GAP43: variants seen among roughly 807,000 people sequenced by gnomAD.
The protein encoded by GAP43 is growth associated protein 43.
GAP43 carries 6 observed loss-of-function variants against 18.6 expected under a neutral mutation model. That is an observed-to-expected ratio of 0.32 (90% confidence interval 0.18 to 0.64). GAP43 has a LOEUF of 0.64. GAP43 is among the 30% of genes least tolerant of loss of function. The pLI is 0.78. For synonymous variants in GAP43, 115 were observed against 111.4 expected, an observed-to-expected ratio of 1.03 and a Z score of -0.20; for missense variants, 292 against 295.5, an observed-to-expected ratio of 0.99 and a Z score of 0.09.
At chr3:115,666,442 C>G (rs556999384) in intron 1 of GAP43, among the ~76,000 whole-genome samples, 1 of 152,238 alleles carries the variant, frequency 6.6e-6, no homozygotes, top group South Asian at 2.1e-4. Flanking sequence ...TTTGTCTTAT[C>G]AACATGCCTT....
chr3:115,716,718 AT>A (rs1709508364), intron 2 of GAP43, among the ~76,000 whole-genome samples: 2 of 9,092 alleles, frequency 2.2e-4, no homozygotes, highest in Non-Finnish European at 4.1e-4. Context: ...TCTCAGACAA[AT>A]ATATATATAT....
At chr3:115,624,623 A>C (rs1260597748) in intron 1 of GAP43, among the ~76,000 whole-genome samples, 2 of 152,140 alleles carry the variant, frequency 1.3e-5, no homozygotes, top group Non-Finnish European at 2.9e-5. Flanking sequence ...GATTAGCAAG[A>C]ATCAGAGCCC....
chr3:115,696,111 A>T (rs1709185881), intron 2 of GAP43, among the ~76,000 whole-genome samples: 1 of 151,566 alleles, frequency 6.6e-6, no homozygotes, highest in Admixed American at 6.6e-5. Flanking sequence ...CTCTGAGCTC[A>T]TCTATAGCCC....
chr3:115,673,233 GAGAGAA>G (rs1037669385), intron 1 of GAP43, among the ~76,000 whole-genome samples: 3 of 152,210 alleles, frequency 2.0e-5, no homozygotes, highest in East Asian at 1.9e-4. Flanking sequence ...AATTGAGAGA[GAGAGAA>G]AGAGAAAGAG....
chr3:115,631,838 C>G (rs1708263503), intron 1 of GAP43, among the ~76,000 whole-genome samples: 1 of 152,162 alleles, frequency 6.6e-6, no homozygotes. Flanking sequence ...CCAGGCTGGT[C>G]TTGAACTGCT....
chr3:115,650,906 A>G (rs985448863), intron 1 of GAP43, among the ~76,000 whole-genome samples: 2 of 151,920 alleles, frequency 1.3e-5, no homozygotes, highest in Non-Finnish European at 2.9e-5. Context: ...AGGTGGGAGG[A>G]TTTTTTTGAG....
chr3:115,699,032 G>A (rs1477635266), intron 2 of GAP43, among the ~76,000 whole-genome samples: 2 of 152,162 alleles, frequency 1.3e-5, no homozygotes, highest in African/African-American at 2.4e-5. Flanking sequence ...AGCCATTCTC[G>A]TGGATTGGAA....
rs571060075 is a variant in GAP43 at position 115,631,645 on chromosome 3, T to C, written c.30+7926T>C. ...TTTTTTGTTTGTTTGTTTTTTGAGA[T>C]GGAGTCTTGCTGCCATCCAGACTGG... On this transcript the variant is annotated intron_variant, in intron 1 of 2. Coordinates refer to ENST00000305124, the MANE Select transcript of GAP43 (RefSeq NM_002045.4). Among the ~76,000 whole-genome samples, 4 of 152,264 alleles carry C rather than the reference T, an allele frequency of 2.6e-5. No individual in the cohort carries two copies. In the East Asian group the frequency reaches 5.8e-4, roughly 22 times the overall value.
chr3:115,670,815 TA>T (rs1708807837), intron 1 of GAP43, among the ~76,000 whole-genome samples: 1 of 152,140 alleles, frequency 6.6e-6, no homozygotes, highest in African/African-American at 2.4e-5. Flanking sequence ...ACAACATATT[TA>T]AAAAAACATT....
At chr3:115,623,812 C>T in intron 1 of GAP43, 93 bp downstream of exon 1, 3 of 1,336,182 alleles carry the variant, frequency 2.2e-6, no homozygotes, top group South Asian at 1.2e-5. Context: ...ACTGCTTCTG[C>T]TCTGGCCGTG....
intron 1 of GAP43, among the ~76,000 whole-genome samples, chr3:115,652,836 C>T (rs9880454): frequency 0.052 from 7,916 of 152,138 alleles, 250 homozygotes; most frequent in Middle Eastern, 0.13. Flanking sequence ...TGGTTCAGAC[C>T]ACCGTCTTGA....
rs533968060 is a variant in GAP43, at chr3:115,691,047, G to A, written c.628+14437G>A. On this transcript the variant is annotated intron_variant, in intron 2 of 2. Coordinates refer to ENST00000305124, the MANE Select transcript of GAP43 (RefSeq NM_002045.4). ...TGGGATTACAGGCATGAGCCACTGCGCCTGGCCCCCTCTGGGCAAATCTTA... is the reference window on the plus strand; with the variant it reads ...TGGGATTACAGGCATGAGCCACTGCACCTGGCCCCCTCTGGGCAAATCTTA... 9.9e-5 allele frequency among the ~76,000 whole-genome samples: 15 copies of A among 151,728 alleles called. No homozygotes were observed. In the South Asian group the frequency reaches 1.3e-3, roughly 13 times the overall value.
intron 2 of GAP43, among the ~76,000 whole-genome samples, chr3:115,696,587 C>CCCCCCA (rs1553724441): frequency 7.7e-6 from 1 of 129,260 alleles, no homozygotes; most frequent in African/African-American, 3.0e-5. Flanking sequence ...CGCCCCCCCC[C>CCCCCCA]CCCACAAACA....
chr3:115,647,172 T>C (rs2107473258), intron 1 of GAP43, among the ~76,000 whole-genome samples: 1 of 87,836 alleles, frequency 1.1e-5, no homozygotes, highest in South Asian at 5.9e-4. Flanking sequence ...AGAGACCCCA[T>C]AGAGCTTCCT....
At chr3:115,632,503 T>C (rs1037237718) in intron 1 of GAP43, among the ~76,000 whole-genome samples, 2 of 152,214 alleles carry the variant, frequency 1.3e-5, no homozygotes, top group Admixed American at 6.5e-5. Context: ...TTATAGTTCT[T>C]CTGTGTCCCT....
At position 115,720,876 on chromosome 3, in the gene GAP43, T is replaced by C. The variant is rs777611025; in HGVS notation, c.711T>C (p.His237=). The change falls in exon 3 of 3, where the codon CAT becomes CAC. Residue 237 remains histidine (H), a synonymous_variant. Transcript: ENST00000305124. ...AGGAACCTGAGGCTGACCAAGAACA[T>C]GCCTGAACTCTAAGAAATGGCTTTC... ...KEEEPEADQE[H]A is the part of the protein sequence containing the mutation. The C allele has an allele frequency of 6.8e-6, 11 of 1,610,670 alleles. No homozygotes were observed. Among genetic ancestry groups the C allele is most frequent in the Non-Finnish European group, 9.3e-6 (11 of 1,177,538 alleles).
intron 1 of GAP43, among the ~76,000 whole-genome samples, chr3:115,627,589 T>C (rs1205329929): frequency 6.6e-6 from 1 of 152,118 alleles, no homozygotes; most frequent in African/African-American, 2.4e-5. Context: ...CAGGCAAGAA[T>C]AGAGCATATA....
At chr3:115,687,569 T>C (rs1312919825) in intron 2 of GAP43, among the ~76,000 whole-genome samples, 2 of 152,216 alleles carry the variant, frequency 1.3e-5, no homozygotes, top group South Asian at 2.1e-4. Flanking sequence ...CAATGAACTT[T>C]GAGTTGTGTT....
chr3:115,643,586 T>G (rs992213228), intron 1 of GAP43, among the ~76,000 whole-genome samples: 13 of 152,056 alleles, frequency 8.5e-5, no homozygotes, highest in African/African-American at 3.1e-4. Flanking sequence ...AATACTTTGT[T>G]GCAACATATT....
Sources: allele counts gnomAD v4.1 joint callset (sites outside exome capture counted in the v4.1 genomes callset), GRCh38; gene constraint gnomAD v4.1.1; transcripts MANE v1.5; gene names NCBI Gene and HGNC (gene_info 2026-07-23, HGNC 2026-07-21).